The following RBFOX1 variants were observed in gnomAD, a reference collection of about 807,000 sequenced individuals.
The protein encoded by RBFOX1 is RNA binding fox-1 homolog 1.
In RBFOX1, 8 loss-of-function variants were observed where a neutral mutation model predicts 57.7. The ratio of observed to expected loss-of-function variants is 0.14; its 90% CI spans 0.08 to 0.25. The LOEUF is 0.25. Ranked by LOEUF, RBFOX1 falls within the 10% of genes least tolerant of loss-of-function variation. The pLI is 1.00. For synonymous variants in RBFOX1, 326 were observed against 222.4 expected, an observed-to-expected ratio of 1.47 and a Z score of -4.15; for missense variants, 611 against 548.5, an observed-to-expected ratio of 1.11 and a Z score of -1.14.
intron 2 of RBFOX1, among the ~76,000 whole-genome samples, chr16:5,559,619 G>A (rs2045816562): frequency 6.6e-6 from 1 of 152,060 alleles, no homozygotes; most frequent in Non-Finnish European, 1.5e-5. Context: ...CCCTCCACCT[G>A]GGACCTTGAT....
intron 3 of RBFOX1, among the ~76,000 whole-genome samples, chr16:5,749,976 T>C (rs2053132474): frequency 1.3e-5 from 2 of 152,156 alleles, no homozygotes; most frequent in Non-Finnish European, 2.9e-5. Context: ...TCTGCTCTGT[T>C]TTTTCCCCAT....
At chr16:7,188,580 T>C (rs888193207) in intron 4 of RBFOX1, among the ~76,000 whole-genome samples, 1 of 152,226 alleles carries the variant, frequency 6.6e-6, no homozygotes, top group Non-Finnish European at 1.5e-5. Context: ...TATTTTATAC[T>C]CTAAGCAATT....
At chr16:6,610,462 G>A (rs904132509) in intron 2 of RBFOX1, among the ~76,000 whole-genome samples, 5 of 151,958 alleles carry the variant, frequency 3.3e-5, no homozygotes, top group Admixed American at 3.3e-4. Context: ...AGAGTAGCTG[G>A]AATCACAGGT....
intron 3 of RBFOX1, among the ~76,000 whole-genome samples, chr16:5,829,356 G>A (rs962791771): frequency 6.6e-6 from 1 of 152,186 alleles, no homozygotes; most frequent in Admixed American, 6.5e-5. Flanking sequence ...TCATCTTGAT[G>A]ACTGCGAGGA....
chr16:6,404,069 C>A (rs1030139967), intron 2 of RBFOX1, among the ~76,000 whole-genome samples: 2 of 152,178 alleles, frequency 1.3e-5, no homozygotes, highest in Non-Finnish European at 1.5e-5. Context: ...GCCTATACAG[C>A]TGGCTCTCCA....
rs375017444 is a variant in RBFOX1 at position 6,582,326 on chromosome 16, C to A, written c.-63-72277C>A. On this transcript the variant is annotated intron_variant, in intron 2 of 15. Transcript: ENST00000550418. Reference sequence around the variant, plus strand: ...TTCTGATGAGAAAAATAATGTACAACTTATTTTCCAACATGATAAAATATT... The same window carrying A: ...TTCTGATGAGAAAAATAATGTACAAATTATTTTCCAACATGATAAAATATT... 5.2e-4 allele frequency among the ~76,000 whole-genome samples: 79 copies of A among 152,208 alleles called. 4 individuals carry two copies. The South Asian group carries it at 0.014, about 27-fold the overall frequency.
At chr16:5,471,047 TG>T (rs1416797411) in intron 2 of RBFOX1, among the ~76,000 whole-genome samples, 1 of 152,096 alleles carries the variant, frequency 6.6e-6, no homozygotes, top group Non-Finnish European at 1.5e-5. Flanking sequence ...GAGACGGGGC[TG>T]GTCTCAAACT....
chr16:6,251,915 T>C (rs756094308), intron 1 of RBFOX1, among the ~76,000 whole-genome samples: 22 of 152,120 alleles, frequency 1.4e-4, no homozygotes, highest in Non-Finnish European at 2.9e-4. Flanking sequence ...GTCTGCTTTC[T>C]CCTAAATTCT....
At chr16:7,321,709 TTATTTTAAAA>T (rs1342531131) in intron 4 of RBFOX1, among the ~76,000 whole-genome samples, 2 of 152,230 alleles carry the variant, frequency 1.3e-5, no homozygotes, top group Non-Finnish European at 2.9e-5. Flanking sequence ...CATATATAGT[TTATTTTAAAA>T]TATTTTAAAA....
chr16:5,637,654 C>T (rs769076555), intron 3 of RBFOX1, among the ~76,000 whole-genome samples: 6 of 152,184 alleles, frequency 3.9e-5, no homozygotes, highest in African/African-American at 1.2e-4. Context: ...ACCATTTGGG[C>T]AGTCTCTACT....
chr16:6,496,509 A>G (rs555617124), intron 2 of RBFOX1, among the ~76,000 whole-genome samples: 31 of 152,244 alleles, frequency 2.0e-4, no homozygotes, highest in Admixed American at 6.5e-4. Context: ...ACGGGAATCA[A>G]TTTTGCCTGC....
At chr16:5,368,118 G>A (rs569481707) in intron 1 of RBFOX1, among the ~76,000 whole-genome samples, 144 of 152,360 alleles carry the variant, frequency 9.5e-4, no homozygotes, top group African/African-American at 3.1e-3. Context: ...AATGTATGAT[G>A]AATGGTAATT....
At chr16:6,953,588 T>C (rs956415374) in intron 3 of RBFOX1, among the ~76,000 whole-genome samples, 2 of 152,136 alleles carry the variant, frequency 1.3e-5, no homozygotes, top group African/African-American at 4.8e-5. Flanking sequence ...GGTTTTGCCA[T>C]GTTGGCCAGC....
At chr16:7,324,465 G>C (rs1301913348) in intron 4 of RBFOX1, among the ~76,000 whole-genome samples, 1 of 152,114 alleles carries the variant, frequency 6.6e-6, no homozygotes, top group Non-Finnish European at 1.5e-5. Context: ...AGGCCTCAGG[G>C]GGTATTTGTT....
intron 3 of RBFOX1, among the ~76,000 whole-genome samples, chr16:5,734,100 C>T (rs192635748): frequency 1.7e-4 from 26 of 152,280 alleles, no homozygotes; most frequent in South Asian, 1.0e-3. Context: ...TCCATCCTTA[C>T]GCCCTACCTG....
At chr16:5,500,964 C>T (rs564331142) in intron 2 of RBFOX1, among the ~76,000 whole-genome samples, 1 of 152,148 alleles carries the variant, frequency 6.6e-6, no homozygotes, top group Non-Finnish European at 1.5e-5. Context: ...TCTTCATGGG[C>T]AGGCATCATA....
At chr16:6,117,773 G>A (rs77525580) in intron 1 of RBFOX1, among the ~76,000 whole-genome samples, 6 of 152,156 alleles carry the variant, frequency 3.9e-5, no homozygotes, top group East Asian at 3.9e-4. Context: ...GGAGTAAGAC[G>A]CTATCTAAGA....
At chr16:5,775,283 C>G (rs867782072) in intron 3 of RBFOX1, among the ~76,000 whole-genome samples, 2 of 152,158 alleles carry the variant, frequency 1.3e-5, no homozygotes, top group South Asian at 2.1e-4. Flanking sequence ...CATCCCCCTT[C>G]TCACCCCACA....
chr16:7,192,657 C>G (rs117907872), intron 4 of RBFOX1, among the ~76,000 whole-genome samples: 1 of 152,178 alleles, frequency 6.6e-6, no homozygotes, highest in Non-Finnish European at 1.5e-5. Context: ...AGTATTGTTT[C>G]GACGTCAATT....
Sources: allele counts gnomAD v4.1 joint callset (sites outside exome capture counted in the v4.1 genomes callset), GRCh38; gene constraint gnomAD v4.1.1; transcripts MANE v1.5; gene names NCBI Gene and HGNC (gene_info 2026-07-23, HGNC 2026-07-21).